The following ARHGEF28 variants were observed in gnomAD, a reference collection of about 807,000 sequenced individuals.
ARHGEF28 encodes Rho guanine nucleotide exchange factor 28, also known as 190 kDa guanine nucleotide exchange factor.
ARHGEF28 carries 152 observed loss-of-function variants against 206.6 expected under a neutral mutation model. That is an observed-to-expected ratio of 0.74 (90% CI 0.64 to 0.84). The LOEUF (loss-of-function observed/expected upper bound fraction) is 0.84. Ranked by LOEUF, ARHGEF28 falls within the 40% of genes least tolerant of loss-of-function variation. The pLI is 0.00. For synonymous variants in ARHGEF28, 763 were observed against 776.4 expected, an observed-to-expected ratio of 0.98 and a Z score of 0.29; for missense variants, 2,028 against 2,073.2, an observed-to-expected ratio of 0.98 and a Z score of 0.42.
rs1337543972 is a variant in ARHGEF28 at position 73,863,764 on chromosome 5, C to T, written c.2048-1053C>T. ...GTTCTGTGGTATCTTAGGGTATCTA[C>T]ATTTTCCCTATTATTTACTCACTCT... On this transcript the variant is annotated intron_variant, in intron 16 of 35. Transcript: ENST00000513042. Among the ~76,000 whole-genome samples, 7 of 151,776 alleles carry T rather than the reference C, an allele frequency of 4.6e-5. No homozygotes were observed. The South Asian group carries it at 1.2e-3, about 27-fold the overall frequency.
chr5:73,936,433 A>T (rs1367125944), intron 35 of ARHGEF28, among the ~76,000 whole-genome samples: 3 of 152,240 alleles, frequency 2.0e-5, no homozygotes, highest in Non-Finnish European at 4.4e-5. Context: ...TCAACGCTTC[A>T]TACCTGCGTC....
intron 17 of ARHGEF28, 46 bp from the exon 18 acceptor site, chr5:73,865,919 A>T (rs1759675025): frequency 1.5e-6 from 2 of 1,341,462 alleles, no homozygotes; most frequent in Non-Finnish European, 1.1e-6. Flanking sequence ...TTATAGTCTA[A>T]TGATACTTTG....
At chr5:73,736,566 T>C (rs1290013988) in intron 2 of ARHGEF28, among the ~76,000 whole-genome samples, 1 of 152,204 alleles carries the variant, frequency 6.6e-6, no homozygotes, top group Non-Finnish European at 1.5e-5. Flanking sequence ...CAAAGGGTCC[T>C]ATCATGGCCA....
intron 27 of ARHGEF28, 75 bp downstream of exon 27, chr5:73,892,305 T>G: frequency 6.8e-7 from 1 of 1,477,774 alleles, no homozygotes; most frequent in Non-Finnish European, 9.1e-7. Flanking sequence ...CATGTCTTCC[T>G]GCATGAAAAC....
chr5:73,776,593 C>A lies in ARHGEF28; in HGVS notation c.737C>A (p.Ser246Ter), dbSNP rs753100535. The A allele has an allele frequency of 1.9e-6, 3 of 1,613,958 alleles. No homozygotes were observed. In the South Asian group the frequency reaches 3.3e-5, roughly 18 times the overall value. ...EEASLHYIHS[S>*]ETLTLTLNHT... is the part of the protein sequence containing the mutation. Reference sequence around the variant, plus strand: ...GCCTCCTTGCATTACATTCACTCATCGGAAACGCTGACCCTGACCCTGAAC... The same window carrying A: ...GCCTCCTTGCATTACATTCACTCATAGGAAACGCTGACCCTGACCCTGAAC... Residue 246 changes from serine to a stop codon, truncating the protein, a stop_gained, in exon 6 of 36, where the codon TCG becomes TAG. Transcript: ENST00000513042. LOFTEE classifies it high-confidence loss of function.
chr5:73,684,992 T>C, intron 2 of ARHGEF28, 108 bp downstream of exon 2: 1 of 1,195,528 alleles, frequency 8.4e-7, no homozygotes, highest in Non-Finnish European at 1.2e-6. Flanking sequence ...TTAAGGCTTT[T>C]TAAAAACAAC....
intron 22 of ARHGEF28, among the ~76,000 whole-genome samples, chr5:73,875,298 C>T (rs1760391217): frequency 1.3e-5 from 2 of 150,318 alleles, no homozygotes; most frequent in Non-Finnish European, 3.0e-5. Context: ...TGTTTGAGTT[C>T]ATTGTAGATT....
At chr5:73,735,532 A>G (rs963842005) in intron 2 of ARHGEF28, among the ~76,000 whole-genome samples, 1 of 152,104 alleles carries the variant, frequency 6.6e-6, no homozygotes, top group African/African-American at 2.4e-5. Context: ...ATGTTTTTCT[A>G]ATCTCTAGGT....
chr5:73,640,382 A>G (rs574433044), intron 1 of ARHGEF28, among the ~76,000 whole-genome samples: 2 of 152,212 alleles, frequency 1.3e-5, no homozygotes, highest in East Asian at 1.9e-4. Flanking sequence ...TACTTCTTAC[A>G]TCAGAATGCC....
intron 9 of ARHGEF28, among the ~76,000 whole-genome samples, chr5:73,815,971 G>A (rs1251494313): frequency 6.6e-6 from 1 of 152,146 alleles, no homozygotes; most frequent in African/African-American, 2.4e-5. Flanking sequence ...TATGAAGAGC[G>A]GGTTTGGTCA....
chr5:73,685,329 A>G lies in ARHGEF28; in HGVS notation c.33+445A>G, dbSNP rs958717576. ...AGTGGGAGTTGGCGCTGGGGGGGAC[A>G]GGAATGCCCAAGGAGATTTGTACTT... On this transcript the variant is annotated intron_variant, in intron 2 of 35. Transcript: ENST00000513042. Among the ~76,000 whole-genome samples the G allele has an allele frequency of 2.6e-5, 4 of 152,182 alleles. No homozygotes were observed. In the East Asian group the frequency reaches 7.7e-4, roughly 29 times the overall value.
chr5:73,628,709 A>C (rs1743167438), intron 1 of ARHGEF28, among the ~76,000 whole-genome samples: 1 of 152,236 alleles, frequency 6.6e-6, no homozygotes, highest in Admixed American at 6.5e-5. Context: ...GAAGTGCACC[A>C]AATTCAGGGA....
chr5:73,786,085 GA>G (rs1157568521), intron 7 of ARHGEF28, among the ~76,000 whole-genome samples: 1 of 145,528 alleles, frequency 6.9e-6, no homozygotes, highest in South Asian at 2.2e-4. Context: ...AAGGCAAAGA[GA>G]AAAAACCTTG....
At chr5:73,789,319 A>G (rs1462262641) in intron 7 of ARHGEF28, among the ~76,000 whole-genome samples, 2 of 152,238 alleles carry the variant, frequency 1.3e-5, no homozygotes, top group African/African-American at 4.8e-5. Flanking sequence ...AATTCAATTT[A>G]TATGAAATAT....
chr5:73,845,118 C>T (rs1217942699), intron 11 of ARHGEF28, among the ~76,000 whole-genome samples: 1 of 149,066 alleles, frequency 6.7e-6, no homozygotes, highest in Non-Finnish European at 1.5e-5. Flanking sequence ...CCTGGGTTCA[C>T]GCCATTTTCC....
At chr5:73,805,985 A>G (rs962830747) in intron 9 of ARHGEF28, among the ~76,000 whole-genome samples, 2 of 151,336 alleles carry the variant, frequency 1.3e-5, no homozygotes, top group Admixed American at 1.3e-4. Flanking sequence ...CATTTATTAA[A>G]CTATTTGTTA....
intron 9 of ARHGEF28, among the ~76,000 whole-genome samples, chr5:73,828,655 TTTTCC>T (rs1013677431): frequency 2.0e-5 from 3 of 151,306 alleles, no homozygotes; most frequent in African/African-American, 4.9e-5. Flanking sequence ...TTCCTTTCCT[TTTTCC>T]TTTCCTTTCC....
chr5:73,700,728 A>C (rs2112285055), intron 2 of ARHGEF28, among the ~76,000 whole-genome samples: 1 of 152,336 alleles, frequency 6.6e-6, no homozygotes, highest in East Asian at 1.9e-4. Flanking sequence ...ATATCAAAAT[A>C]TCAAAGTGTC....
chr5:73,773,806 A>G, intron 4 of ARHGEF28, 49 bp from the exon 5 acceptor site: 1 of 1,481,234 alleles, frequency 6.8e-7, no homozygotes, highest in Non-Finnish European at 9.0e-7. Context: ...GTGTAAAACA[A>G]ACTTTGTAAA....
Sources: allele counts gnomAD v4.1 joint callset (sites outside exome capture counted in the v4.1 genomes callset), GRCh38; gene constraint gnomAD v4.1.1; transcripts MANE v1.5; gene names NCBI Gene and HGNC (gene_info 2026-07-23, HGNC 2026-07-21).